RNF125: variants seen among roughly 807,000 people sequenced by gnomAD.
The protein encoded by RNF125 is E3 ubiquitin-protein ligase RNF125.
RNF125 carries 21 observed loss-of-function variants against 26.0 expected under a neutral mutation model. That is an observed-to-expected ratio of 0.81 (90% confidence interval 0.57 to 1.16). The LOEUF is 1.16. Ranked by LOEUF, RNF125 falls within the 50% of genes most tolerant of loss-of-function variation. The pLI is 0.00. For missense variants in RNF125, 270 were observed against 299.4 expected (o/e 0.90, Z 0.72); for synonymous variants, 95 against 109.2 (o/e 0.87, Z 0.81).
chr18:32,020,743 T>C (rs1175683048), intron 1 of RNF125, among the ~76,000 whole-genome samples: 2 of 151,474 alleles, frequency 1.3e-5, no homozygotes, highest in African/African-American at 4.8e-5. Context: ...ACCTCGTCTC[T>C]ACTAAAAATA....
intron 1 of RNF125, among the ~76,000 whole-genome samples, chr18:32,021,569 C>T (rs1166141537): frequency 6.6e-6 from 1 of 152,132 alleles, no homozygotes; most frequent in African/African-American, 2.4e-5. Context: ...TATTTTAGGG[C>T]AATAACAGCC....
chr18:32,024,045 G>A (rs552737014), intron 1 of RNF125, among the ~76,000 whole-genome samples: 3 of 151,936 alleles, frequency 2.0e-5, no homozygotes, highest in African/African-American at 7.2e-5. Context: ...AACCTCTTAC[G>A]ATTTTTCTTC....
intron 4 of RNF125, among the ~76,000 whole-genome samples, chr18:32,055,449 C>T (rs1410434341): frequency 6.6e-6 from 1 of 152,142 alleles, no homozygotes; most frequent in Admixed American, 6.6e-5. Context: ...AATTGACTCA[C>T]AGTTGCACAT....
In RNF125 at chr18:32,019,009, G is replaced by A; in HGVS notation, c.146G>A (p.Arg49Gln). The stretch of plus-strand genomic sequence containing the variant: ...CTTGAGGTGTTACACCAGCCTGTCC[G>A]GACCCGCTGTGGCCACGTGTAAGTT... ...VCLEVLHQPV[R>Q]TRCGHVFCRS... is the part of the protein sequence containing the mutation. Residue 49 changes from arginine (R) to glutamine (Q), a missense_variant, in exon 1 of 6, where the codon CGG (arginine) becomes CAG (glutamine). Arg to Gln is a conservative substitution (Grantham distance 43, BLOSUM62 1). Coordinates refer to ENST00000217740, the MANE Select transcript of RNF125 (RefSeq NM_017831.4). The A allele has an allele frequency of 3.7e-6, 6 of 1,613,012 alleles. No homozygotes were observed. The highest frequency in any genetic ancestry group is 2.5e-6 in the Non-Finnish European group (3 of 1,179,538).
At chr18:32,073,662 T>C (rs1187036252), downstream of RNF125, among the ~76,000 whole-genome samples, 1 of 152,212 alleles carries the variant, frequency 6.6e-6, no homozygotes, top group Non-Finnish European at 1.5e-5. Flanking sequence ...TTTGAATGGC[T>C]GTAGCTGTCA....
chr18:32,069,081 A>G lies in RNF125; in HGVS notation c.*697A>G, dbSNP rs2144521021. ...CTGGACGTGTTGGCGGGCATCTGTAATACCAGCTACTTGGGAGGCTGAGGC... is the reference window on the plus strand; with the variant it reads ...CTGGACGTGTTGGCGGGCATCTGTAGTACCAGCTACTTGGGAGGCTGAGGC... On this transcript the variant is annotated 3_prime_UTR_variant, in exon 6 of 6. Transcript: ENST00000217740. 1 of 152,142 alleles carries G rather than the reference A, an allele frequency of 6.6e-6. No homozygotes were observed. The highest frequency in any genetic ancestry group is 3.4e-3 in the Middle Eastern group (1 of 296). The allele number at this position is 152,142 out of a possible 1,614,324, so 9.4% of individuals were successfully genotyped here. A position where few individuals can be genotyped will look rare whatever the true frequency, so the allele number is the denominator to read the frequency against.
At position 32,067,771 on chromosome 18, in the gene RNF125, G is replaced by A. The variant is rs976440609; in HGVS notation, c.613-527G>A. Among the ~76,000 whole-genome samples the A allele has an allele frequency of 2.1e-4, 32 of 152,288 alleles. 1 individual carries two copies. The highest frequency in any genetic ancestry group is 7.5e-4 in the African/African-American group (31 of 41,556). ...TTTCACCTTTTGTTATTGCGGAAGA[G>A]GAGAGGGATTGCAGAGGATAGGGTT... On this transcript the variant is annotated intron_variant, in intron 5 of 5. Transcript: ENST00000217740.
chr18:32,024,024 A>G (rs1051568818), intron 1 of RNF125, among the ~76,000 whole-genome samples: 1 of 152,160 alleles, frequency 6.6e-6, no homozygotes, highest in African/African-American at 2.4e-5. Flanking sequence ...CAAGATTTAC[A>G]TATCTTTTAT....
chr18:32,045,151 G>A (rs2039256457), intron 3 of RNF125, among the ~76,000 whole-genome samples: 1 of 151,394 alleles, frequency 6.6e-6, no homozygotes, highest in Non-Finnish European at 1.5e-5. Flanking sequence ...GACAGAAAAA[G>A]AAAAGTGACC....
chr18:32,021,879 T>C (rs946984081), intron 1 of RNF125, among the ~76,000 whole-genome samples: 1 of 152,224 alleles, frequency 6.6e-6, no homozygotes, highest in African/African-American at 2.4e-5. Flanking sequence ...TAAAATAGCA[T>C]TACAAGGGCT....
At chr18:32,090,004 G>C in the RNF125 span, among the ~76,000 whole-genome samples, 1 of 152,230 alleles carries the variant, frequency 6.6e-6, no homozygotes, top group Non-Finnish European at 1.5e-5. Context: ...CCAGCACTTT[G>C]GGAGGCCAAG....
Position 32,068,345 on chromosome 18 carries a change from GTCACTTCTTGAATATGTGAA to G in RNF125, c.666_685del (p.Leu223GlufsTer20). The G allele has an allele frequency of 6.2e-7, 1 of 1,600,642 alleles. No homozygotes were observed. Among genetic ancestry groups the G allele is most frequent in the Non-Finnish European group, 8.6e-7 (1 of 1,167,958 alleles). ...CTCTTATCCGAAGAGTCTTAGACCG[GTCACTTCTTGAATATGTGAA>G]TCACTCGAACACCACATAATTTTAT... On this transcript the variant is annotated frameshift_variant, in exon 6 of 6. Coordinates refer to ENST00000217740, the MANE Select transcript of RNF125 (RefSeq NM_017831.4). LOFTEE classifies it high-confidence loss of function.
At chr18:32,030,696 T>C (rs2039084720) in intron 1 of RNF125, among the ~76,000 whole-genome samples, 2 of 152,156 alleles carry the variant, frequency 1.3e-5, no homozygotes. Context: ...ATTTATCAAA[T>C]ACTACAGACT....
intron 1 of RNF125, among the ~76,000 whole-genome samples, chr18:32,027,226 TC>T (rs144434015): frequency 6.7e-6 from 1 of 148,890 alleles, no homozygotes; most frequent in Non-Finnish European, 1.5e-5. Flanking sequence ...CAGGATGGAG[TC>T]TTTTTTTTTT....
intron 4 of RNF125, among the ~76,000 whole-genome samples, chr18:32,055,236 C>G (rs1598822500): frequency 6.7e-6 from 1 of 150,336 alleles, no homozygotes; most frequent in Non-Finnish European, 1.5e-5. Flanking sequence ...GAGTTTGAGG[C>G]TGCAGTGAGC....
intron 4 of RNF125, among the ~76,000 whole-genome samples, chr18:32,063,751 G>A (rs892014081): frequency 2.6e-5 from 4 of 152,150 alleles, no homozygotes; most frequent in African/African-American, 7.2e-5. Flanking sequence ...TAAGGAGGGA[G>A]CTATGGATAC....
intron 4 of RNF125, among the ~76,000 whole-genome samples, chr18:32,051,615 T>TA (rs71177836): frequency 0.03 from 2,337 of 78,808 alleles, 57 homozygotes; most frequent in African/African-American, 0.058. Context: ...GACTCAGTCT[T>TA]AAAAAAAAAA....
chr18:32,075,759 T>C (rs1013722736), downstream of RNF125: 12 of 444,974 alleles, frequency 2.7e-5, no homozygotes, highest in Non-Finnish European at 4.9e-5. Context: ...AAAGCATCAA[T>C]CTGATTGTGC....
At chr18:32,032,691 A>G (rs1197187014) in intron 1 of RNF125, among the ~76,000 whole-genome samples, 6 of 152,092 alleles carry the variant, frequency 3.9e-5, no homozygotes, top group Non-Finnish European at 5.9e-5. Context: ...ACATAAAGCC[A>G]CTTTAAAACC....
Sources: allele counts gnomAD v4.1 joint callset (sites outside exome capture counted in the v4.1 genomes callset), GRCh38; gene constraint gnomAD v4.1.1; transcripts MANE v1.5; gene names NCBI Gene and HGNC (gene_info 2026-07-23, HGNC 2026-07-21).